Variants in RIC1 observed in about 807,000 individuals in gnomAD.
RIC1 encodes guanine nucleotide exchange factor subunit RIC1.
In RIC1, 88 loss-of-function variants were observed where a neutral mutation model predicts 169.0. The ratio of observed to expected loss-of-function variants is 0.52; its 90% CI spans 0.44 to 0.62. The LOEUF is 0.62. Ranked by LOEUF, RIC1 falls within the 20% of genes least tolerant of loss-of-function variation. The pLI is 0.00. For synonymous variants in RIC1, 790 were observed against 601.5 expected (o/e 1.31, Z -4.59); for missense variants, 1,877 against 1,725.5 (o/e 1.09, Z -1.56).
At chr9:5,684,200 A>C (rs553313347) in intron 2 of RIC1, among the ~76,000 whole-genome samples, 1 of 140,742 alleles carries the variant, frequency 7.1e-6, no homozygotes, top group African/African-American at 2.6e-5. Flanking sequence ...TAAATGCAGA[A>C]ATCACCCGTC....
At chr9:5,708,861 A>C (rs1349225087) in intron 3 of RIC1, among the ~76,000 whole-genome samples, 3 of 151,890 alleles carry the variant, frequency 2.0e-5, no homozygotes, top group African/African-American at 7.3e-5. Flanking sequence ...CATCATACAG[A>C]CAGGCGTTGG....
intron 1 of RIC1, among the ~76,000 whole-genome samples, chr9:5,654,738 G>C (rs953363494): frequency 6.6e-6 from 1 of 151,850 alleles, no homozygotes; most frequent in Admixed American, 6.6e-5. Context: ...ATTTTTAGTA[G>C]AGATGGGTTT....
chr9:5,772,572 T>C lies in RIC1; in HGVS notation c.3625T>C (p.Cys1209Arg). 3.7e-6 allele frequency: 6 copies of C among 1,605,358 alleles called. No homozygotes were observed. Among genetic ancestry groups the C allele is most frequent in the Non-Finnish European group, 5.1e-6 (6 of 1,177,522 alleles). ...LSPLSNKGDE[C>R]SIGSATDLTE... ...TGGCAATTCTTCATCAGGTGATGAA[T>C]GCAGTATTGGTTCAGCCACAGACTT... The change falls in exon 24 of 26, where the codon TGC becomes CGC. Residue 1209 changes from cysteine (C) to arginine (R), a missense_variant. Coordinates refer to ENST00000414202, the MANE Select transcript of RIC1 (RefSeq NM_020829.4).
At chr9:5,686,320 A>C (rs964511268) in intron 2 of RIC1, among the ~76,000 whole-genome samples, 5 of 152,130 alleles carry the variant, frequency 3.3e-5, no homozygotes, top group African/African-American at 1.2e-4. Flanking sequence ...ATAAAGACAC[A>C]TGCACACGTA....
chr9:5,676,698 A>C (rs1356196931), intron 2 of RIC1, among the ~76,000 whole-genome samples: 4 of 152,178 alleles, frequency 2.6e-5, no homozygotes, highest in Non-Finnish European at 5.9e-5. Context: ...AAATTGCTCT[A>C]CTGTTTTAAG....
intron 20 of RIC1, 30 bp from the exon 21 acceptor site, chr9:5,765,632 A>T: frequency 6.2e-7 from 1 of 1,614,092 alleles, no homozygotes; most frequent in Non-Finnish European, 8.5e-7. Flanking sequence ...ATCTTTCTCT[A>T]ATGGTACTGC....
chr9:5,650,676 A>G (rs1586880524), intron 1 of RIC1, among the ~76,000 whole-genome samples: 1 of 151,870 alleles, frequency 6.6e-6, no homozygotes, highest in Non-Finnish European at 1.5e-5. Context: ...GTTAGTGGAG[A>G]TGGGGTTACT....
intron 2 of RIC1, among the ~76,000 whole-genome samples, chr9:5,669,871 C>A (rs574627604): frequency 2.0e-4 from 31 of 152,214 alleles, no homozygotes; most frequent in African/African-American, 6.7e-4. Context: ...GAAGACAGAC[C>A]AGGGTGATCA....
At chr9:5,648,076 G>A (rs1472433834) in intron 1 of RIC1, among the ~76,000 whole-genome samples, 1 of 151,244 alleles carries the variant, frequency 6.6e-6, no homozygotes, top group African/African-American at 2.4e-5. Flanking sequence ...GCCACCTCCC[G>A]AGTTCAAGCA....
intron 22 of RIC1, chr9:5,769,800 T>G (rs1827072523): frequency 6.4e-6 from 2 of 314,774 alleles, no homozygotes; most frequent in Admixed American, 4.5e-5. Flanking sequence ...TCATGTTATC[T>G]TAAGAGCCAA....
chr9:5,688,511 C>G (rs1299402705), intron 2 of RIC1, among the ~76,000 whole-genome samples: 2 of 152,032 alleles, frequency 1.3e-5, no homozygotes, highest in African/African-American at 4.8e-5. Flanking sequence ...AAGCCATTTT[C>G]CTTTTGCTTC....
At chr9:5,693,800 G>T (rs1205818323) in intron 3 of RIC1, among the ~76,000 whole-genome samples, 2 of 151,774 alleles carry the variant, frequency 1.3e-5, no homozygotes, top group Non-Finnish European at 2.9e-5. Context: ...TCATCATCAT[G>T]TATACTTTGT....
At chr9:5,646,808 A>T (rs553925361) in intron 1 of RIC1, among the ~76,000 whole-genome samples, 4 of 152,082 alleles carry the variant, frequency 2.6e-5, no homozygotes, top group African/African-American at 9.7e-5. Flanking sequence ...AGCATTTTCA[A>T]TTTTGATGAA....
chr9:5,758,733 T>C (rs899731998), intron 17 of RIC1, among the ~76,000 whole-genome samples: 1 of 150,908 alleles, frequency 6.6e-6, no homozygotes, highest in Non-Finnish European at 1.5e-5. Context: ...TTTTTTTTTT[T>C]TTTTTTTTGT....
At chr9:5,764,585 C>T (rs917034732) in intron 19 of RIC1, among the ~76,000 whole-genome samples, 1 of 152,216 alleles carries the variant, frequency 6.6e-6, no homozygotes, top group African/African-American at 2.4e-5. Context: ...GTTTCAATCT[C>T]TGCCTGAAGC....
intron 6 of RIC1, among the ~76,000 whole-genome samples, chr9:5,727,550 A>G (rs1246148630): frequency 6.6e-6 from 1 of 152,176 alleles, no homozygotes; most frequent in African/African-American, 2.4e-5. Context: ...TCAACTCATC[A>G]AAGTCATTCT....
chr9:5,683,218 C>T (rs918958346), intron 2 of RIC1, among the ~76,000 whole-genome samples: 1 of 152,196 alleles, frequency 6.6e-6, no homozygotes, highest in South Asian at 2.1e-4. Flanking sequence ...GGAGAAGAGG[C>T]ACTCTGATTT....
chr9:5,722,381 G>GTGTAC (rs1478057336), intron 6 of RIC1, among the ~76,000 whole-genome samples: 1 of 149,676 alleles, frequency 6.7e-6, no homozygotes, highest in Non-Finnish European at 1.5e-5. Flanking sequence ...GTGTGTGTGT[G>GTGTAC]TACCTATGCA....
At chr9:5,735,100 C>G (rs911823424) in intron 7 of RIC1, among the ~76,000 whole-genome samples, 29 of 152,084 alleles carry the variant, frequency 1.9e-4, no homozygotes, top group African/African-American at 7.0e-4. Context: ...TACCTTTTAA[C>G]TACAATAGTC....
Sources: gnomAD v4.1 joint callset for allele counts (sites outside exome capture counted in the v4.1 genomes callset) on GRCh38, gnomAD v4.1.1 for gene constraint, MANE v1.5 for transcripts, NCBI Gene and HGNC (gene_info 2026-07-23, HGNC 2026-07-21) for gene names.